Variants in CNTN4 observed in about 807,000 individuals in gnomAD.
The protein encoded by CNTN4 is contactin-4.
In CNTN4, 77 loss-of-function variants were observed where a neutral mutation model predicts 122.5. The ratio of observed to expected loss-of-function variants is 0.63; its 90% confidence interval spans 0.52 to 0.76. The LOEUF (loss-of-function observed/expected upper bound fraction) is 0.76. Among genes scored for constraint, CNTN4 ranks in the 30% least tolerant of loss-of-function variants. CNTN4 has a pLI of 0.00. For synonymous variants in CNTN4, 512 were observed against 447.0 expected (o/e 1.15, Z -1.83); for missense variants, 1,256 against 1,259.1 (o/e 1.00, Z 0.04).
intron 13 of CNTN4, among the ~76,000 whole-genome samples, chr3:2,943,918 G>A (rs965363456): frequency 2.0e-5 from 3 of 151,932 alleles, no homozygotes; most frequent in African/African-American, 4.8e-5. Context: ...CCTAGCAATT[G>A]ATTTGGAAGT....
At chr3:2,634,187 A>G (rs1444727860) in intron 4 of CNTN4, among the ~76,000 whole-genome samples, 1 of 152,214 alleles carries the variant, frequency 6.6e-6, no homozygotes, top group African/African-American at 2.4e-5. Context: ...AAAATGTATT[A>G]GCTTATATGT....
chr3:2,350,417 T>C (rs2044564858), intron 3 of CNTN4, among the ~76,000 whole-genome samples: 2 of 152,208 alleles, frequency 1.3e-5, no homozygotes, highest in South Asian at 4.1e-4. Context: ...TTCCACCAAG[T>C]GGTTGGTGGC....
chr3:2,962,128 A>G (rs1461667501), intron 13 of CNTN4, among the ~76,000 whole-genome samples: 1 of 152,236 alleles, frequency 6.6e-6, no homozygotes, highest in Non-Finnish European at 1.5e-5. Context: ...TGATTTTTGA[A>G]TTCCCTCCAG....
chr3:2,103,381 C>T (rs149381514), intron 2 of CNTN4, among the ~76,000 whole-genome samples: 4 of 152,218 alleles, frequency 2.6e-5, no homozygotes, highest in African/African-American at 9.6e-5. Flanking sequence ...GGATCAGGAG[C>T]AGATATTTAA....
chr3:2,123,522 G>T (rs2033928201), intron 2 of CNTN4, among the ~76,000 whole-genome samples: 1 of 151,552 alleles, frequency 6.6e-6, no homozygotes, highest in Non-Finnish European at 1.5e-5. Flanking sequence ...TACTTAGAGG[G>T]ATGCTCAGAT....
chr3:2,552,091 A>G (rs1559225359), intron 3 of CNTN4, among the ~76,000 whole-genome samples: 4 of 152,194 alleles, frequency 2.6e-5, no homozygotes. Context: ...CATAGAGCAT[A>G]CTTAAGGTAA....
chr3:2,404,381 G>C (rs995535645), intron 3 of CNTN4, among the ~76,000 whole-genome samples: 2 of 152,078 alleles, frequency 1.3e-5, no homozygotes, highest in Non-Finnish European at 2.9e-5. Context: ...GTATGATTGA[G>C]GCCCTCATAT....
At chr3:2,588,180 C>T (rs192035599) in intron 4 of CNTN4, among the ~76,000 whole-genome samples, 223 of 152,170 alleles carry the variant, frequency 1.5e-3, no homozygotes, top group Non-Finnish European at 2.1e-3. Flanking sequence ...AAGCCTGGCA[C>T]GTCCTCAGAA....
chr3:2,298,266 A>C (rs1463576970), intron 2 of CNTN4, among the ~76,000 whole-genome samples: 1 of 152,212 alleles, frequency 6.6e-6, no homozygotes, highest in Admixed American at 6.5e-5. Flanking sequence ...TGTCAGTCGA[A>C]TTAAAATCTA....
intron 4 of CNTN4, among the ~76,000 whole-genome samples, chr3:2,715,594 A>G (rs1445137108): frequency 3.3e-5 from 5 of 152,208 alleles, no homozygotes; most frequent in Admixed American, 2.6e-4. Flanking sequence ...CTGTCATAAC[A>G]AAATACCATA....
At chr3:2,727,170 G>C (rs558469085) in intron 4 of CNTN4, among the ~76,000 whole-genome samples, 1 of 152,260 alleles carries the variant, frequency 6.6e-6, no homozygotes, top group South Asian at 2.1e-4. Flanking sequence ...ATTTGGGTCA[G>C]AAATGTTTGA....
chr3:2,182,196 A>G (rs1252854886), intron 2 of CNTN4, among the ~76,000 whole-genome samples: 2 of 152,068 alleles, frequency 1.3e-5, no homozygotes, highest in African/African-American at 4.8e-5. Flanking sequence ...AGCCATTTGT[A>G]GGTGGAAAAT....
At chr3:2,535,727 G>T (rs2077777423) in intron 3 of CNTN4, among the ~76,000 whole-genome samples, 3 of 152,070 alleles carry the variant, frequency 2.0e-5, no homozygotes. Flanking sequence ...TGTATATTTT[G>T]ATGTTATTTC....
intron 2 of CNTN4, among the ~76,000 whole-genome samples, chr3:2,286,228 C>T (rs985680730): frequency 1.4e-4 from 4 of 29,376 alleles, no homozygotes; most frequent in African/African-American, 5.0e-4. Flanking sequence ...TGTGTGCATA[C>T]ACCCCCTGCC....
At chr3:2,274,998 C>T (rs867052071) in intron 2 of CNTN4, among the ~76,000 whole-genome samples, 52 of 152,250 alleles carry the variant, frequency 3.4e-4, no homozygotes, top group African/African-American at 1.2e-3. Context: ...AAACATCTGA[C>T]TGGATAAACT....
At chr3:2,135,913 C>T (rs999830972) in intron 2 of CNTN4, among the ~76,000 whole-genome samples, 1 of 152,160 alleles carries the variant, frequency 6.6e-6, no homozygotes, top group Non-Finnish European at 1.5e-5. Context: ...CTGGTAAATA[C>T]TTCCTAATTT....
intron 10 of CNTN4, 119 bp from the exon 11 acceptor site, chr3:2,900,566 A>G (rs2094162344): frequency 8.7e-7 from 1 of 1,144,002 alleles, no homozygotes; most frequent in East Asian, 2.4e-5. Flanking sequence ...TGTTATTTGC[A>G]TAACATCTGG....
chr3:2,868,802 G>C (rs371586382), intron 8 of CNTN4, among the ~76,000 whole-genome samples: 7 of 152,138 alleles, frequency 4.6e-5, no homozygotes, highest in East Asian at 3.8e-4. Context: ...TATTATTTTA[G>C]ATGCCAGTAA....
In CNTN4 at chr3:2,715,994, C is replaced by T. The variant is rs561356543; in HGVS notation, c.56-20221C>T. Among the ~76,000 whole-genome samples, 120 of 152,224 alleles carry T rather than the reference C, an allele frequency of 7.9e-4. 1 individual carries two copies. The highest frequency in any genetic ancestry group is 1.4e-3 in the Non-Finnish European group (97 of 68,016). On this transcript the variant is annotated intron_variant, in intron 4 of 24. Transcript: ENST00000418658. ...TTATTTCTTTTTCGAGAAAGGGTCT[C>T]ACTCTGTCACCCAGGCTTATAGTGC...
Sources: gnomAD v4.1 joint callset for allele counts (sites outside exome capture counted in the v4.1 genomes callset) on GRCh38, gnomAD v4.1.1 for gene constraint, MANE v1.5 for transcripts, NCBI Gene and HGNC (gene_info 2026-07-23, HGNC 2026-07-21) for gene names.